The following CLCN4 variants were observed in gnomAD, a reference collection of about 807,000 sequenced individuals.
CLCN4 encodes Cl-/H+ antiporter 4.
In CLCN4, 1 loss-of-function variant was observed where a neutral mutation model predicts 41.7. The observed-to-expected ratio is 0.02, with a 90% confidence interval of 0.01 to 0.11. The LOEUF is 0.11. Among genes scored for constraint, CLCN4 ranks in the 10% least tolerant of loss-of-function variants. The pLI, the probability that CLCN4 is intolerant of heterozygous loss-of-function variation, is 1.00. For synonymous variants in CLCN4, 277 were observed against 285.8 expected (o/e 0.97, Z 0.31); for missense variants, 287 against 661.0 (o/e 0.43, Z 6.20).
At chrX:10,214,153 G>T (rs1399379903) in intron 11 of CLCN4, 74 bp downstream of exon 11, 3 of 1,017,115 alleles carry the variant, frequency 2.9e-6, no homozygotes, top group Non-Finnish European at 3.9e-6. Context: ...CATTATCCAA[G>T]ATTTTTGAGG....
chrX:10,178,694 T>C (rs1923596489), intron 2 of CLCN4, among the ~76,000 whole-genome samples: 1 of 111,620 alleles, frequency 9.0e-6, no homozygotes, highest in Admixed American at 9.5e-5. Context: ...TTTGGTCTGA[T>C]TGGAGAGGAA....
At chrX:10,175,966 CTCTCTGTGTG>C (rs1446982171) in intron 2 of CLCN4, among the ~76,000 whole-genome samples, 2 of 68,165 alleles carry the variant, frequency 2.9e-5, no homozygotes, top group Non-Finnish European at 2.6e-5. Context: ...CTCTCTCTCT[CTCTCTGTGTG>C]TGTGTGTATG....
chrX:10,158,051 T>G (rs759529089), intron 1 of CLCN4, among the ~76,000 whole-genome samples: 1 of 112,681 alleles, frequency 8.9e-6, no homozygotes, highest in East Asian at 2.8e-4. Flanking sequence ...GCTTGAAACA[T>G]AGAAACTCTA....
chrX:10,212,950 C>T (rs1373967774), intron 10 of CLCN4, among the ~76,000 whole-genome samples: 1 of 111,721 alleles, frequency 9.0e-6, no homozygotes, highest in Non-Finnish European at 1.9e-5. Flanking sequence ...ATTGAATACA[C>T]CTAACCTACC....
At chrX:10,182,489 A>G (rs936878024) in intron 2 of CLCN4, among the ~76,000 whole-genome samples, 24 of 112,085 alleles carry the variant, frequency 2.1e-4, no homozygotes, top group African/African-American at 6.5e-4. Context: ...GCGGTGGCGC[A>G]ATCTTGGCTC....
Position 10,199,326 on chromosome X carries a change from C to A in CLCN4, c.555+1265C>A, listed in dbSNP as rs376552624. ...CTGACACATATGACAAAAAGAGGAA[C>A]CTAGTAAAAACAGGAGCACAGCTGT... On this transcript the variant is annotated intron_variant, in intron 6 of 12. Transcript: ENST00000380833. Among the ~76,000 whole-genome samples, 3 of 112,192 alleles carry A rather than the reference C, an allele frequency of 2.7e-5. No homozygotes were observed. In the East Asian group the frequency reaches 8.4e-4, roughly 31 times the overall value.
chrX:10,165,818 T>C (rs1055180491), intron 2 of CLCN4, among the ~76,000 whole-genome samples: 2 of 112,006 alleles, frequency 1.8e-5, no homozygotes, highest in Non-Finnish European at 3.8e-5. Flanking sequence ...TCACACCAGC[T>C]CGCCTTTTAC....
At chrX:10,187,288 C>A (rs1923837565) in intron 3 of CLCN4, among the ~76,000 whole-genome samples, 1 of 111,911 alleles carries the variant, frequency 8.9e-6, no homozygotes, top group Admixed American at 9.5e-5. Flanking sequence ...AGTGTGTGCT[C>A]GAATTCTTTG....
At chrX:10,187,415 A>G in intron 3 of CLCN4, 100 bp from the exon 4 acceptor site, 1 of 603,741 alleles carries the variant, frequency 1.7e-6, no homozygotes, top group Non-Finnish European at 2.7e-6. Flanking sequence ...CATTCATTTT[A>G]TTTTCTTAAT....
At chrX:10,162,323 T>C (rs1214354466) in intron 2 of CLCN4, among the ~76,000 whole-genome samples, 2 of 111,318 alleles carry the variant, frequency 1.8e-5, no homozygotes, top group Non-Finnish European at 3.8e-5. Context: ...CTGGCCGCAG[T>C]TGAGTCTTGA....
chrX:10,199,925 A>AT (rs3216376), intron 6 of CLCN4, among the ~76,000 whole-genome samples: 4 of 106,851 alleles, frequency 3.7e-5, no homozygotes, highest in Non-Finnish European at 5.8e-5. Flanking sequence ...TGCCTGGCTA[A>AT]TTTTTTTTTT....
At chrX:10,227,971 T>C (rs1474351290) in intron 12 of CLCN4, among the ~76,000 whole-genome samples, 1 of 110,920 alleles carries the variant, frequency 9.0e-6, no homozygotes, top group Non-Finnish European at 1.9e-5. Flanking sequence ...TGTGGGTACA[T>C]AGGAGTATAT....
chrX:10,200,108 G>T (rs909115366), intron 6 of CLCN4, among the ~76,000 whole-genome samples: 2 of 111,599 alleles, frequency 1.8e-5, no homozygotes, highest in East Asian at 5.6e-4. Flanking sequence ...GCCCGGGCTG[G>T]TCTCAAATTC....
intron 12 of CLCN4, among the ~76,000 whole-genome samples, chrX:10,230,271 C>T (rs1301627423): frequency 3.6e-5 from 4 of 111,548 alleles, no homozygotes; most frequent in African/African-American, 1.3e-4. Flanking sequence ...CTCTGACATG[C>T]CTCAAGTCTG....
chrX:10,193,258 C>T (rs938775720), intron 4 of CLCN4, among the ~76,000 whole-genome samples: 2 of 111,903 alleles, frequency 1.8e-5, no homozygotes, highest in African/African-American at 6.5e-5. Flanking sequence ...CTGTGGGCAT[C>T]GGAAGCTGAC....
chrX:10,227,052 C>T (rs1925007447), intron 12 of CLCN4, among the ~76,000 whole-genome samples: 2 of 110,868 alleles, frequency 1.8e-5, no homozygotes, highest in Non-Finnish European at 3.8e-5. Flanking sequence ...TTTTATGAGG[C>T]CAGCATCATC....
chrX:10,164,754 G>A (rs779870940), intron 2 of CLCN4, among the ~76,000 whole-genome samples: 1 of 112,170 alleles, frequency 8.9e-6, no homozygotes, highest in South Asian at 3.7e-4. Flanking sequence ...TCATGCATCC[G>A]GCTCAGTCGC....
In CLCN4 at chrX:10,169,672, A is replaced by G. The variant is rs781360140; in HGVS notation, c.-12+11121A>G. On this transcript the variant is annotated intron_variant, in intron 2 of 12. Coordinates refer to ENST00000380833, the MANE Select transcript of CLCN4 (RefSeq NM_001830.4). ...ACTGGTGGGTGATGGTGGACGTTTC[A>G]AAACCACTCACGTGTGACATGGCAG... is the stretch of plus-strand genomic sequence containing the variant. 8.0e-5 allele frequency among the ~76,000 whole-genome samples: 9 copies of G among 111,817 alleles called. No individual in the cohort carries two copies. The Admixed American group carries it at 8.5e-4, about 11-fold the overall frequency.
intron 2 of CLCN4, among the ~76,000 whole-genome samples, chrX:10,176,282 G>A (rs1416149413): frequency 3.6e-5 from 4 of 112,315 alleles, no homozygotes; most frequent in African/African-American, 1.3e-4. Context: ...TGTAAAGCAG[G>A]GGCCGGCAAA....
Sources: allele counts gnomAD v4.1 joint callset (sites outside exome capture counted in the v4.1 genomes callset), GRCh38; gene constraint gnomAD v4.1.1; transcripts MANE v1.5; gene names NCBI Gene and HGNC (gene_info 2026-07-23, HGNC 2026-07-21).